AIM2: variants seen among roughly 807,000 people sequenced by gnomAD.
AIM2 encodes the protein interferon-inducible protein AIM2.
Under a neutral mutation model 27.7 loss-of-function variants are expected in AIM2, and 30 were observed. The ratio of observed to expected loss-of-function variants is 1.08; its 90% confidence interval spans 0.81 to 1.47. AIM2 has a LOEUF of 1.47. AIM2 is among the 40% of genes most tolerant of loss of function. The pLI, the probability that AIM2 is intolerant of heterozygous loss-of-function variation, is 0.00. For synonymous variants in AIM2, 141 were observed against 145.3 expected (o/e 0.97, Z 0.21); for missense variants, 358 against 411.3 (o/e 0.87, Z 1.12).
intron 1 of AIM2, among the ~76,000 whole-genome samples, chr1:159,139,919 G>A (rs564575013): frequency 1.3e-5 from 2 of 152,212 alleles, no homozygotes; most frequent in East Asian, 1.9e-4. Flanking sequence ...TTACCTTCTC[G>A]GAATTCTCAT....
At chr1:159,091,718 G>A (rs1240660652) in intron 1 of AIM2, among the ~76,000 whole-genome samples, 6 of 152,220 alleles carry the variant, frequency 3.9e-5, no homozygotes, top group Admixed American at 3.9e-4. Context: ...GATGTATAAA[G>A]GATGTGGTAA....
rs148364192 is a variant in AIM2 at position 159,093,638 on chromosome 1, T to C, written c.-15-27309A>G. Among the ~76,000 whole-genome samples, 862 of 152,042 alleles carry C rather than the reference T, an allele frequency of 5.7e-3. 3 individuals carry two copies. Among genetic ancestry groups the C allele is most frequent in the Non-Finnish European group, 8.9e-3 (608 of 67,990 alleles). Reference sequence around the variant, plus strand: ...GTGAAAATGAACTGCAGTTATGACATAATGAAGATCAGCAAGTTACAGAGG... The same window carrying C: ...GTGAAAATGAACTGCAGTTATGACACAATGAAGATCAGCAAGTTACAGAGG... On this transcript the variant is annotated intron_variant, in intron 1 of 2. Coordinates refer to the AIM2 transcript ENST00000368129.
At chr1:159,119,785 T>C (rs1048881405) in intron 1 of AIM2, among the ~76,000 whole-genome samples, 2 of 152,118 alleles carry the variant, frequency 1.3e-5, no homozygotes, top group African/African-American at 4.8e-5. Flanking sequence ...TATGTGTGTG[T>C]GTGCATGTGT....
At chr1:159,066,663 G>A (rs968366824) in intron 3 of AIM2, among the ~76,000 whole-genome samples, 2 of 152,192 alleles carry the variant, frequency 1.3e-5, no homozygotes, top group Admixed American at 1.3e-4. Context: ...GGGTAAATCT[G>A]ACAAATCTGA....
At chr1:159,101,317 G>A (rs1266665394) in intron 1 of AIM2, among the ~76,000 whole-genome samples, 1 of 152,176 alleles carries the variant, frequency 6.6e-6, no homozygotes, top group Non-Finnish European at 1.5e-5. Flanking sequence ...CTGTGAAGGG[G>A]TGCCTTCTGC....
chr1:159,092,161 T>C (rs539264363), intron 1 of AIM2, among the ~76,000 whole-genome samples: 83 of 152,352 alleles, frequency 5.4e-4, no homozygotes, highest in African/African-American at 2.0e-3. Flanking sequence ...TTTAAATAAA[T>C]GACTATTCAC....
intron 1 of AIM2, among the ~76,000 whole-genome samples, chr1:159,114,949 A>C (rs1338822701): frequency 1.3e-5 from 2 of 152,174 alleles, no homozygotes; most frequent in African/African-American, 2.4e-5. Context: ...GTCTCAGCCC[A>C]AAATCTCCTT....
At chr1:159,091,304 A>T (rs1228521659) in intron 1 of AIM2, among the ~76,000 whole-genome samples, 2 of 152,198 alleles carry the variant, frequency 1.3e-5, no homozygotes, top group Non-Finnish European at 2.9e-5. Context: ...TCCTATTAAT[A>T]CCTTAAAGCC....
chr1:159,081,265 A>G (rs1308801955), upstream of AIM2: 1 of 200,914 alleles, frequency 5.0e-6, no homozygotes. Context: ...ATACCTTACA[A>G]GATAGGACTA....
At chr1:159,078,182 A>G (rs892939375), upstream of AIM2, among the ~76,000 whole-genome samples, 2 of 152,104 alleles carry the variant, frequency 1.3e-5, no homozygotes, top group South Asian at 4.1e-4. Context: ...ATCTTTTCCC[A>G]CACGTGTTAC....
intron 1 of AIM2, among the ~76,000 whole-genome samples, chr1:159,112,048 T>C (rs1226101582): frequency 2.6e-5 from 4 of 151,490 alleles, no homozygotes; most frequent in Non-Finnish European, 4.4e-5. Context: ...ACTCAAAAAA[T>C]AAAGAAAAAT....
intron 4 of AIM2, among the ~76,000 whole-genome samples, chr1:159,064,981 T>C (rs1410447551): frequency 6.6e-6 from 1 of 152,226 alleles, no homozygotes; most frequent in East Asian, 1.9e-4. Flanking sequence ...GCTGGCCAGA[T>C]TGAAAGCTGA....
At chr1:159,062,800 G>A (rs927429800) in intron 5 of AIM2, 82 bp from the exon 6 acceptor site, 1 of 1,258,124 alleles carries the variant, frequency 7.9e-7, no homozygotes, top group Non-Finnish European at 1.2e-6. Flanking sequence ...ATGGCCTTCT[G>A]AAGTGTATGT....
At chr1:159,092,948 C>T (rs988076804) in intron 1 of AIM2, among the ~76,000 whole-genome samples, 11 of 152,038 alleles carry the variant, frequency 7.2e-5, no homozygotes, top group African/African-American at 1.9e-4. Context: ...ATTGCTTGAA[C>T]CCAGGAGGCG....
upstream of AIM2, among the ~76,000 whole-genome samples, chr1:159,079,799 C>A (rs1307082368): frequency 6.6e-6 from 1 of 152,182 alleles, no homozygotes; most frequent in Admixed American, 6.5e-5. Flanking sequence ...CAGTATCATA[C>A]AGGGTGGTTT....
chr1:159,088,871 G>A (rs1656982921), intron 1 of AIM2, among the ~76,000 whole-genome samples: 1 of 152,152 alleles, frequency 6.6e-6, no homozygotes, highest in South Asian at 2.1e-4. Flanking sequence ...GAACTTCTCG[G>A]CCTCGAGAAC....
intron 1 of AIM2, among the ~76,000 whole-genome samples, chr1:159,099,101 T>C (rs988751426): frequency 1.3e-5 from 2 of 151,682 alleles, no homozygotes; most frequent in East Asian, 3.9e-4. Flanking sequence ...GGTGGGTCCA[T>C]AGAATTAAGA....
rs201311766 is a variant in AIM2, at chr1:159,124,194, C to CT, written c.-16+16236dup. Among the ~76,000 whole-genome samples the CT allele has an allele frequency of 1.3e-3, 195 of 151,222 alleles. 1 individual carries two copies. The East Asian group carries it at 0.014, about 11-fold the overall frequency. On this transcript the variant is annotated intron_variant, in intron 1 of 2. Transcript: ENST00000368129. ...TCTCAAAATGTACCATATTACATCT[C>CT]TTTTTTTAAAAAAAATGATATTTTA...
chr1:159,145,949 TATAAAAAGTAGCTGGGCATG>T (rs1648193454), intron 1 of AIM2, among the ~76,000 whole-genome samples: 3 of 151,854 alleles, frequency 2.0e-5, no homozygotes, highest in African/African-American at 7.3e-5. Context: ...CTACTAAAAA[TATAAAAAGTAGCTGGGCATG>T]GTGGTGCGTG....
Sources: gnomAD v4.1 joint callset for allele counts (sites outside exome capture counted in the v4.1 genomes callset) on GRCh38, gnomAD v4.1.1 for gene constraint, MANE v1.5 for transcripts, NCBI Gene and HGNC (gene_info 2026-07-23, HGNC 2026-07-21) for gene names.